The following APAF1 variants were observed in gnomAD, a reference collection of about 807,000 sequenced individuals.
APAF1 encodes apoptotic protease-activating factor 1.
In APAF1, 91 loss-of-function variants were observed where a neutral mutation model predicts 152.4. That is an observed-to-expected ratio of 0.60 (90% CI 0.50 to 0.71). The LOEUF (loss-of-function observed/expected upper bound fraction) is 0.71. APAF1 is among the 30% of genes least tolerant of loss of function. The probability of loss-of-function intolerance (pLI) is 0.00; values close to 1 mark genes in which losing one functional copy is unlikely to be tolerated. For missense variants in APAF1, 1,283 were observed against 1,472.0 expected (o/e 0.87, Z 2.10); for synonymous variants, 484 against 494.1 (o/e 0.98, Z 0.27).
At chr12:98,646,927 G>C (rs527350053) in intron 1 of APAF1, among the ~76,000 whole-genome samples, 2 of 152,248 alleles carry the variant, frequency 1.3e-5, no homozygotes, top group African/African-American at 4.8e-5. Flanking sequence ...TTAGCAAGGA[G>C]GACCTAGAGC....
chr12:98,649,321 G>T (rs1206292802), intron 3 of APAF1, 166 bp from the exon 4 acceptor site: 1 of 831,174 alleles, frequency 1.2e-6, no homozygotes, highest in Non-Finnish European at 1.5e-6. Context: ...GCTCTCTGTT[G>T]TCTGAGAAAT....
intron 3 of APAF1, 71 bp from the exon 4 acceptor site, chr12:98,649,416 T>A (rs1055365140): frequency 1.3e-6 from 2 of 1,554,592 alleles, no homozygotes; most frequent in Non-Finnish European, 1.8e-6. Flanking sequence ...TGCTCTTTGT[T>A]TTTTATGGTA....
At chr12:98,728,025 T>C (rs1422760450) in intron 26 of APAF1, among the ~76,000 whole-genome samples, 1 of 151,672 alleles carries the variant, frequency 6.6e-6, no homozygotes, top group Non-Finnish European at 1.5e-5. Flanking sequence ...AAAAAGGCAG[T>C]TACTATTATC....
chr12:98,658,813 A>G (rs1408335348), intron 4 of APAF1, among the ~76,000 whole-genome samples: 1 of 152,198 alleles, frequency 6.6e-6, no homozygotes, highest in African/African-American at 2.4e-5. Flanking sequence ...GTCCCTTACA[A>G]CAAAGAATTG....
intron 16 of APAF1, 147 bp downstream of exon 16, chr12:98,687,020 T>C (rs773763415): frequency 1.0e-4 from 80 of 798,306 alleles, no homozygotes; most frequent in Admixed American, 1.8e-4. Context: ...GTAACTGTAA[T>C]TGCTTATCGT....
At chr12:98,689,927 T>G (rs1415041634) in intron 16 of APAF1, among the ~76,000 whole-genome samples, 1 of 152,238 alleles carries the variant, frequency 6.6e-6, no homozygotes, top group Non-Finnish European at 1.5e-5. Flanking sequence ...TTTCTTTGAT[T>G]AGGTTGAATA....
chr12:98,673,506 A>T (rs1014161914), intron 12 of APAF1, among the ~76,000 whole-genome samples: 1 of 151,806 alleles, frequency 6.6e-6, no homozygotes, highest in South Asian at 2.1e-4. Context: ...TGCTCTTTCC[A>T]TATGTCATGC....
chr12:98,657,341 C>T (rs745657317), intron 4 of APAF1, among the ~76,000 whole-genome samples: 1 of 152,200 alleles, frequency 6.6e-6, no homozygotes, highest in Non-Finnish European at 1.5e-5. Flanking sequence ...AGCACATACT[C>T]TTGACTCTTT....
rs2097764193 is a variant in APAF1 at position 98,732,762 on chromosome 12, T to C, written c.*196T>C. 7 of 553,060 alleles carry C rather than the reference T, an allele frequency of 1.3e-5. No homozygotes were observed. Among genetic ancestry groups the C allele is most frequent in the East Asian group, 6.3e-5 (2 of 31,944 alleles). 34.3% of individuals were successfully genotyped at this position (553,060 alleles called of 1,614,324 possible). A position where few individuals can be genotyped will look rare whatever the true frequency, so the allele number is the denominator to read the frequency against. ...ATGAACATACCTTTAATCTTGTTTT[T>C]CATGATCATCATTAACAGTTTGTCC... On this transcript the variant is annotated 3_prime_UTR_variant, in exon 27 of 27. Coordinates refer to ENST00000551964, the MANE Select transcript of APAF1 (RefSeq NM_181861.2).
intron 16 of APAF1, among the ~76,000 whole-genome samples, chr12:98,693,008 C>G (rs2097705959): frequency 6.6e-6 from 1 of 151,994 alleles, no homozygotes; most frequent in African/African-American, 2.4e-5. Flanking sequence ...TTCCCACCAG[C>G]AGTGTATAAG....
At chr12:98,730,799 C>T (rs2153345962) in intron 26 of APAF1, among the ~76,000 whole-genome samples, 1 of 150,258 alleles carries the variant, frequency 6.7e-6, no homozygotes, top group East Asian at 1.9e-4. Context: ...AGAATCCAAG[C>T]TGTATAAATT....
intron 5 of APAF1, among the ~76,000 whole-genome samples, chr12:98,662,061 T>C (rs895813041): frequency 1.2e-4 from 19 of 152,026 alleles, no homozygotes; most frequent in African/African-American, 4.1e-4. Context: ...TGATTCATTC[T>C]AATGCTAACC....
In APAF1 at chr12:98,648,570, A is replaced by G. The variant is rs1158921311; in HGVS notation, c.139-56A>G. 10 of 1,609,462 alleles carry G rather than the reference A, an allele frequency of 6.2e-6. No individual in the cohort carries two copies. In the African/African-American group the frequency reaches 6.7e-5, roughly 11 times the overall value. ...TTCAGAACTTGTACTGGTCTCCACT[A>G]CTTTATGTTGCATACATATTCATTG... is the stretch of plus-strand genomic sequence containing the variant. On this transcript the variant is annotated intron_variant, in intron 2 of 26. Coordinates refer to ENST00000551964, the MANE Select transcript of APAF1 (RefSeq NM_181861.2).
At chr12:98,707,093 T>C (rs1173355710) in intron 19 of APAF1, among the ~76,000 whole-genome samples, 3 of 152,210 alleles carry the variant, frequency 2.0e-5, no homozygotes, top group East Asian at 3.8e-4. Context: ...GCTTCTAAGA[T>C]ATTTTTTTTT....
Position 98,671,582 on chromosome 12 carries a change from A to G in APAF1, c.1656A>G (p.Gly552=), listed in dbSNP as rs1289721466. The change falls in exon 12 of 27, where the codon GGA becomes GGG. Residue 552 remains glycine, a synonymous_variant. Transcript: ENST00000551964. ...ENFQEFLSLN[G]HLLGRQPFPN... ...TTCAGGAGTTTTTATCTTTAAATGG[A>G]CACCTTCTTGGACGACAGCCATTTC... The G allele has an allele frequency of 6.2e-7, 1 of 1,614,032 alleles. No homozygotes were observed. Among genetic ancestry groups the G allele is most frequent in the Non-Finnish European group, 8.5e-7 (1 of 1,179,994 alleles).
intron 22 of APAF1, among the ~76,000 whole-genome samples, chr12:98,720,343 A>G (rs2097740747): frequency 6.6e-6 from 1 of 152,236 alleles, no homozygotes; most frequent in South Asian, 2.1e-4. Flanking sequence ...TTTTAAATGT[A>G]ACAAAACTCT....
At chr12:98,687,786 G>C (rs2097699549) in intron 16 of APAF1, among the ~76,000 whole-genome samples, 1 of 152,046 alleles carries the variant, frequency 6.6e-6, no homozygotes, top group Admixed American at 6.6e-5. Context: ...AAGATCTATG[G>C]GTCAGGTTTG....
At chr12:98,723,856 C>T in intron 24 of APAF1, 92 bp downstream of exon 24, 3 of 1,314,310 alleles carry the variant, frequency 2.3e-6, no homozygotes, top group Non-Finnish European at 3.3e-6. Context: ...ATAACAGTTG[C>T]TCTCTACATG....
intron 5 of APAF1, among the ~76,000 whole-genome samples, chr12:98,661,131 G>A (rs1298001884): frequency 6.6e-6 from 1 of 152,154 alleles, no homozygotes; most frequent in Non-Finnish European, 1.5e-5. Context: ...TTGATCTCCT[G>A]ACCTCGTGAT....
Sources: allele counts gnomAD v4.1 joint callset (sites outside exome capture counted in the v4.1 genomes callset), GRCh38; gene constraint gnomAD v4.1.1; transcripts MANE v1.5; gene names NCBI Gene and HGNC (gene_info 2026-07-23, HGNC 2026-07-21).